PPP2R5C: variants seen among roughly 807,000 people sequenced by gnomAD.
The protein encoded by PPP2R5C is protein phosphatase 2 regulatory subunit B'gamma.
A neutral mutation model predicts 68.9 loss-of-function variants in PPP2R5C; 7 were observed. The observed-to-expected ratio is 0.10, with a 90% CI of 0.06 to 0.19. The LOEUF (loss-of-function observed/expected upper bound fraction) is 0.19. Ranked by LOEUF, PPP2R5C falls within the 10% of genes least tolerant of loss-of-function variation. The pLI, the probability that PPP2R5C is intolerant of heterozygous loss-of-function variation, is 1.00. For missense variants in PPP2R5C, 348 were observed against 641.3 expected, an observed-to-expected ratio of 0.54 and a Z score of 4.94; for synonymous variants, 210 against 222.2, an observed-to-expected ratio of 0.95 and a Z score of 0.49.
intron 3 of PPP2R5C, among the ~76,000 whole-genome samples, chr14:101,791,792 T>G (rs1400777119): frequency 6.6e-6 from 1 of 152,138 alleles, no homozygotes; most frequent in Non-Finnish European, 1.5e-5. Flanking sequence ...ACTAAATAAG[T>G]ATAGTAAACG....
intron 10 of PPP2R5C, 99 bp from the exon 13 acceptor site, chr14:101,909,490 G>C: frequency 1.4e-6 from 1 of 707,212 alleles, no homozygotes; most frequent in Non-Finnish European, 2.5e-6. Context: ...GATCCTGTGC[G>C]ATGTGGGACT....
Position 101,882,301 on chromosome 14 carries a change from G to T in PPP2R5C, c.405+30G>T. On this transcript the variant is annotated intron_variant, in intron 3 of 13. Coordinates refer to ENST00000334743, the Ensembl canonical transcript of PPP2R5C. The surrounding 1 kb of genome is among the most constrained non-coding windows in gnomAD (Gnocchi z 4.9). ...CGGGCTCTGGGTGATAGACTCGGAG[G>T]GCACTGGTGACACATGGGAATGGCC... 6.5e-7 allele frequency: 1 copy of T among 1,535,746 alleles called. No individual in the cohort carries two copies. The highest frequency in any genetic ancestry group is 2.3e-5 in the East Asian group (1 of 43,888).
chr14:101,785,033 G>A (rs566377509), intron 2 of PPP2R5C, among the ~76,000 whole-genome samples: 2 of 152,324 alleles, frequency 1.3e-5, no homozygotes, highest in East Asian at 1.9e-4. Flanking sequence ...GAGTAGTTCA[G>A]TTGGCAGCGT....
chr14:101,867,091 C>T (rs984461217), intron 2 of PPP2R5C, among the ~76,000 whole-genome samples: 36 of 151,500 alleles, frequency 2.4e-4, no homozygotes, highest in African/African-American at 8.0e-4. Context: ...GTGGCGCATG[C>T]CTGTAATCTC....
In PPP2R5C at chr14:101,781,475, G is replaced by C. The variant is rs922447114; in HGVS notation, c.94-4543G>C. On this transcript the variant is annotated intron_variant, in intron 2 of 14. Transcript: ENST00000328724. The surrounding 1 kb of genome is among the most constrained non-coding windows in gnomAD (Gnocchi z 6.4). The stretch of plus-strand genomic sequence containing the variant: ...CTGCAGACCCGCGTGGGCTCCCGCC[G>C]GGCCCTCCTGCCGCCCCCCAGCCTC... 2.0e-5 allele frequency among the ~76,000 whole-genome samples: 3 copies of C among 152,038 alleles called. No homozygotes were observed. The highest frequency in any genetic ancestry group is 4.4e-5 in the Non-Finnish European group (3 of 67,950).
chr14:101,849,669 G>A (rs1395057910), intron 1 of PPP2R5C, among the ~76,000 whole-genome samples: 1 of 90,292 alleles, frequency 1.1e-5, no homozygotes, highest in Admixed American at 1.0e-4. Flanking sequence ...TAATTTCAGT[G>A]TAGATATATG....
chr14:101,889,063 C>T (rs1451848035), intron 5 of PPP2R5C, among the ~76,000 whole-genome samples: 2 of 152,164 alleles, frequency 1.3e-5, no homozygotes, highest in Non-Finnish European at 2.9e-5. Context: ...CAAGCACCAC[C>T]TCTCAGTGCA....
chr14:101,906,046 G>C lies in PPP2R5C; in HGVS notation c.1024-356G>C, dbSNP rs1322575145. ...TTTGTTCAGTGCTGAATGCTCAGCA[G>C]AACACAGCACGCCCTCTTGACCTGA... is the stretch of plus-strand genomic sequence containing the variant. On this transcript the variant is annotated intron_variant, in intron 9 of 13. Transcript: ENST00000334743. This position sits in a 1 kb window ranked among gnomAD's most constrained non-coding sequence, Gnocchi z 4.0. Among the ~76,000 whole-genome samples the C allele has an allele frequency of 6.6e-6, 1 of 152,240 alleles. No homozygotes were observed. Among genetic ancestry groups the C allele is most frequent in the Non-Finnish European group, 1.5e-5 (1 of 68,048 alleles).
rs1333116867 is a variant in PPP2R5C, at chr14:101,917,902, A to G, written c.1398A>G (p.Glu466=). Residue 466 remains glutamate, a synonymous_variant, in exon 13 of 14, where the codon GAA becomes GAG. Coordinates refer to ENST00000334743, the Ensembl canonical transcript of PPP2R5C. The surrounding 1 kb of genome is among the most constrained non-coding windows in gnomAD (Gnocchi z 4.4). ...TGGAGACAGATGGGCCTTTATTTGA[A>G]GATGTGCAGATGCTGAGAAAGACAG... is the stretch of plus-strand genomic sequence containing the variant. 8 of 1,613,864 alleles carry G rather than the reference A, an allele frequency of 5.0e-6. No individual in the cohort carries two copies. The highest frequency in any genetic ancestry group is 6.8e-6 in the Non-Finnish European group (8 of 1,179,832).
intron 2 of PPP2R5C, among the ~76,000 whole-genome samples, chr14:101,764,659 C>G (rs1163930560): frequency 6.6e-6 from 1 of 152,178 alleles, no homozygotes; most frequent in Non-Finnish European, 1.5e-5. Flanking sequence ...GTCTGTCCCT[C>G]CCTGTCTTTA....
Position 101,869,398 on chromosome 14 carries a change from C to A in PPP2R5C, c.294+12513C>A, listed in dbSNP as rs112310211. ...GCAATAAAACTTTTATAAATACTTA[C>A]ATACCGATTTTAGACATAAGCTTTT... On this transcript the variant is annotated intron_variant, in intron 2 of 13. Transcript: ENST00000334743. Among the ~76,000 whole-genome samples, 733 of 152,290 alleles carry A rather than the reference C, an allele frequency of 4.8e-3. 1 individual carries two copies. The highest frequency in any genetic ancestry group is 8.0e-3 in the Admixed American group (123 of 15,300).
At chr14:101,810,212 C>T in intron 1 of PPP2R5C, 1 of 619,678 alleles carries the variant, frequency 1.6e-6, no homozygotes, top group Non-Finnish European at 2.8e-6. Context: ...TTACGAACTA[C>T]TTACAGAATT....
chr14:101,795,853 C>T (rs1055906026), intron 3 of PPP2R5C, among the ~76,000 whole-genome samples: 6 of 152,140 alleles, frequency 3.9e-5, no homozygotes, highest in African/African-American at 9.7e-5. Context: ...GACACGGTTT[C>T]GCTCTGTCAC....
At chr14:101,889,923 G>C (rs530246855) in intron 5 of PPP2R5C, 4 of 497,708 alleles carry the variant, frequency 8.0e-6, no homozygotes, top group African/African-American at 7.7e-5. Flanking sequence ...CACATTGCTC[G>C]TGGTCGAATC....
intron 13 of PPP2R5C, chr14:101,921,876 A>G: frequency 1.5e-6 from 1 of 670,664 alleles, no homozygotes; most frequent in Non-Finnish European, 1.8e-6. Context: ...TTCCTTCAAG[A>G]AACTAGTATA....
rs769574413 is a variant in PPP2R5C, at chr14:101,882,318, G to A, written c.405+47G>A. The A allele has an allele frequency of 4.8e-6, 7 of 1,451,678 alleles. No individual in the cohort carries two copies. The highest frequency in any genetic ancestry group is 3.5e-4 in the Middle Eastern group (2 of 5,688). 89.9% of individuals were successfully genotyped at this position (1,451,678 alleles called of 1,614,324 possible). A position where few individuals can be genotyped will look rare whatever the true frequency, so the allele number is the denominator to read the frequency against. On this transcript the variant is annotated intron_variant, in intron 3 of 13. Transcript: ENST00000334743. This position sits in a 1 kb window ranked among gnomAD's most constrained non-coding sequence, Gnocchi z 4.9. Reference sequence around the variant, plus strand: ...ACTCGGAGGGCACTGGTGACACATGGGAATGGCCTGGGATCCACAGAGCGG... The same window carrying A: ...ACTCGGAGGGCACTGGTGACACATGAGAATGGCCTGGGATCCACAGAGCGG...
Position 101,781,986 on chromosome 14 carries a change from T to G in PPP2R5C, c.94-4032T>G, listed in dbSNP as rs1566831559. On this transcript the variant is annotated intron_variant, in intron 2 of 14. Coordinates refer to the PPP2R5C transcript ENST00000328724. The surrounding 1 kb of genome is among the most constrained non-coding windows in gnomAD (Gnocchi z 6.4). Reference sequence around the variant, plus strand: ...AAGGGAGCCCCTCGCCCTCTCTCTCTCCTTCCCTCATTCCCTTCATCCTTC... The same window carrying G: ...AAGGGAGCCCCTCGCCCTCTCTCTCGCCTTCCCTCATTCCCTTCATCCTTC... 6.7e-6 allele frequency among the ~76,000 whole-genome samples: 1 copy of G among 149,990 alleles called. No individual in the cohort carries two copies. The highest frequency in any genetic ancestry group is 6.6e-5 in the Admixed American group (1 of 15,154).
At chr14:101,910,335 T>C (rs2046311094) in intron 11 of PPP2R5C, among the ~76,000 whole-genome samples, 1 of 152,226 alleles carries the variant, frequency 6.6e-6, no homozygotes, top group African/African-American at 2.4e-5. Context: ...CACTTAAAAC[T>C]GGCTAAGGTA....
chr14:101,867,671 G>A (rs527634335), intron 2 of PPP2R5C, among the ~76,000 whole-genome samples: 4 of 151,960 alleles, frequency 2.6e-5, no homozygotes, highest in South Asian at 4.2e-4. Context: ...CCAGCTACTC[G>A]GGAGGCTGAG....
Sources: gnomAD v4.1 joint callset for allele counts (sites outside exome capture counted in the v4.1 genomes callset) on GRCh38, gnomAD v4.1.1 for gene constraint, Gnocchi (gnomAD v3.1) non-coding constraint, MANE v1.5 for transcripts, NCBI Gene and HGNC (gene_info 2026-07-23, HGNC 2026-07-21) for gene names.